The following GALNT13 variants were observed in gnomAD, a reference collection of about 807,000 sequenced individuals.
The protein encoded by GALNT13 is UDP-GalNAc:polypeptide N-acetylgalactosaminyltransferase 13.
A neutral mutation model predicts 64.2 loss-of-function variants in GALNT13; 28 were observed. The ratio of observed to expected loss-of-function variants is 0.44; its 90% CI spans 0.32 to 0.60. GALNT13 has a LOEUF of 0.60. GALNT13 is among the 20% of genes least tolerant of loss of function. The pLI, the probability that GALNT13 is intolerant of heterozygous loss-of-function variation, is 0.05. For missense variants in GALNT13, 577 were observed against 669.8 expected, an observed-to-expected ratio of 0.86 and a Z score of 1.53; for synonymous variants, 214 against 224.6, an observed-to-expected ratio of 0.95 and a Z score of 0.42.
At chr2:153,410,873 T>G in the GALNT13 span, among the ~76,000 whole-genome samples, 1 of 150,064 alleles carries the variant, frequency 6.7e-6, no homozygotes, top group African/African-American at 2.5e-5. Flanking sequence ...AAATATATAT[T>G]TAGAGAGAGA....
At chr2:153,781,616 C>A in the GALNT13 span, among the ~76,000 whole-genome samples, 7 of 151,614 alleles carry the variant, frequency 4.6e-5, no homozygotes, top group Non-Finnish European at 8.8e-5. Context: ...TACATATACA[C>A]AAAATATTTT....
rs545310287 is a variant in GALNT13, at chr2:154,363,323, A to G, written c.1157-32668A>G. The stretch of plus-strand genomic sequence containing the variant: ...TTGCTTCCAGTCTTTTCAGAACAGT[A>G]TTCTGAATTATGTCTATAGCATTTG... On this transcript the variant is annotated intron_variant, in intron 9 of 12. Transcript: ENST00000392825. Among the ~76,000 whole-genome samples, 60 of 152,250 alleles carry G rather than the reference A, an allele frequency of 3.9e-4. 1 individual carries two copies. The highest frequency in any genetic ancestry group is 1.4e-3 in the African/African-American group (57 of 41,554).
chr2:154,124,744 G>T (rs765715547), intron 3 of GALNT13, among the ~76,000 whole-genome samples: 4 of 152,032 alleles, frequency 2.6e-5, no homozygotes, highest in Admixed American at 1.3e-4. Context: ...TGACCATGAG[G>T]TTAAGTTAAA....
At chr2:154,324,678 A>G (rs1325231422) in intron 9 of GALNT13, among the ~76,000 whole-genome samples, 2 of 152,126 alleles carry the variant, frequency 1.3e-5, no homozygotes, top group Non-Finnish European at 2.9e-5. Context: ...AGGGAGAACC[A>G]GTGAGCCAGT....
chr2:154,327,971 T>G (rs933211891), intron 9 of GALNT13, among the ~76,000 whole-genome samples: 4 of 152,126 alleles, frequency 2.6e-5, no homozygotes, highest in African/African-American at 9.7e-5. Context: ...TTAACCTCAC[T>G]CTCCTATTTT....
the GALNT13 span, among the ~76,000 whole-genome samples, chr2:153,664,517 G>A: frequency 6.6e-6 from 1 of 152,020 alleles, no homozygotes; most frequent in Non-Finnish European, 1.5e-5. Context: ...TCATCACAAG[G>A]TCCTGGGGCA....
At chr2:154,368,717 C>T (rs145455440) in intron 9 of GALNT13, among the ~76,000 whole-genome samples, 2 of 152,200 alleles carry the variant, frequency 1.3e-5, no homozygotes, top group African/African-American at 4.8e-5. Context: ...TTAACATCTG[C>T]ATCATACAGT....
At chr2:153,775,736 G>A in the GALNT13 span, among the ~76,000 whole-genome samples, 8 of 151,922 alleles carry the variant, frequency 5.3e-5, no homozygotes, top group African/African-American at 1.9e-4. Context: ...TCAAAGTTGT[G>A]CACTTATTTA....
chr2:154,168,753 G>A (rs1427901786), intron 4 of GALNT13, among the ~76,000 whole-genome samples: 2 of 151,782 alleles, frequency 1.3e-5, no homozygotes, highest in African/African-American at 2.4e-5. Context: ...TGAGGCAGGA[G>A]AATCACTTGA....
the GALNT13 span, among the ~76,000 whole-genome samples, chr2:153,584,764 C>T: frequency 6.6e-6 from 1 of 152,198 alleles, no homozygotes; most frequent in Non-Finnish European, 1.5e-5. Context: ...CCTAGCACAA[C>T]TTCATCACAG....
intron 9 of GALNT13, among the ~76,000 whole-genome samples, chr2:154,313,482 G>A (rs1038331696): frequency 1.3e-5 from 2 of 151,072 alleles, no homozygotes; most frequent in Non-Finnish European, 2.9e-5. Context: ...TTTAGATGGA[G>A]TCTCACTCTG....
intron 1 of GALNT13, among the ~76,000 whole-genome samples, chr2:153,872,949 T>C (rs1055197706): frequency 6.6e-6 from 1 of 152,174 alleles, no homozygotes; most frequent in Non-Finnish European, 1.5e-5. Context: ...ATCTGTTTTT[T>C]TCTCTTATTC....
the GALNT13 span, among the ~76,000 whole-genome samples, chr2:153,209,313 G>T: frequency 2.0e-5 from 3 of 151,954 alleles, no homozygotes; most frequent in Non-Finnish European, 4.4e-5. Context: ...CCTGTCTTAT[G>T]GTTCTGACAT....
intron 9 of GALNT13, among the ~76,000 whole-genome samples, chr2:154,384,964 G>A (rs1385327402): frequency 2.0e-5 from 3 of 151,952 alleles, no homozygotes; most frequent in African/African-American, 4.8e-5. Context: ...TGAAACTGCA[G>A]TTGGCTACTG....
At chr2:153,714,751 C>T in the GALNT13 span, among the ~76,000 whole-genome samples, 3 of 152,174 alleles carry the variant, frequency 2.0e-5, no homozygotes, top group Admixed American at 6.5e-5. Context: ...TAGGTCTATA[C>T]CCTTTGGGTT....
chr2:154,358,514 A>G (rs1488632541), intron 9 of GALNT13, among the ~76,000 whole-genome samples: 1 of 152,094 alleles, frequency 6.6e-6, no homozygotes, highest in Non-Finnish European at 1.5e-5. Flanking sequence ...TCTGGACTCA[A>G]AATCACTAAA....
At chr2:154,234,893 T>G (rs1287599078) in intron 4 of GALNT13, among the ~76,000 whole-genome samples, 1 of 152,096 alleles carries the variant, frequency 6.6e-6, no homozygotes, top group Non-Finnish European at 1.5e-5. Context: ...TCTATTGGAT[T>G]TGATAGATTT....
intron 3 of GALNT13, among the ~76,000 whole-genome samples, chr2:153,973,858 G>A (rs1693903329): frequency 6.6e-6 from 1 of 151,920 alleles, no homozygotes; most frequent in South Asian, 2.1e-4. Context: ...AGATGATCTT[G>A]TCTTACCAAG....
At chr2:153,901,317 T>A (rs1489476070) in intron 2 of GALNT13, among the ~76,000 whole-genome samples, 1 of 152,204 alleles carries the variant, frequency 6.6e-6, no homozygotes, top group East Asian at 1.9e-4. Flanking sequence ...TGGCTCTTTT[T>A]GGTTTATGAA....
Sources: gnomAD v4.1 joint callset for allele counts (sites outside exome capture counted in the v4.1 genomes callset) on GRCh38, gnomAD v4.1.1 for gene constraint, MANE v1.5 for transcripts, NCBI Gene and HGNC (gene_info 2026-07-23, HGNC 2026-07-21) for gene names.